The following SCAMP1 variants were observed in gnomAD, a reference collection of about 807,000 sequenced individuals.
SCAMP1 encodes secretory carrier-associated membrane protein 1.
Under a neutral mutation model 41.8 loss-of-function variants are expected in SCAMP1, and 15 were observed. The observed-to-expected ratio is 0.36, with a 90% CI of 0.24 to 0.55. The LOEUF is 0.55. SCAMP1 is among the 20% of genes least tolerant of loss of function. The pLI is 0.86. For synonymous variants in SCAMP1, 135 were observed against 136.8 expected, an observed-to-expected ratio of 0.99 and a Z score of 0.09; for missense variants, 341 against 412.6, an observed-to-expected ratio of 0.83 and a Z score of 1.50.
rs1433598895 is a variant in SCAMP1 at position 78,476,202 on chromosome 5, ATCTTTT to A, written c.*541_*546del. 6 of 152,376 alleles carry A rather than the reference ATCTTTT, an allele frequency of 3.9e-5. No individual in the cohort carries two copies. The highest frequency in any genetic ancestry group is 2.1e-4 in the South Asian group (1 of 4,830). 9.4% of individuals were successfully genotyped at this position (152,376 alleles called of 1,614,324 possible). On this transcript the variant is annotated 3_prime_UTR_variant, in exon 9 of 9. Coordinates refer to ENST00000621999, the MANE Select transcript of SCAMP1 (RefSeq NM_004866.6). Reference sequence around the variant, plus strand: ...TGTAGTAGATAATGTAAAATTTGTCATCTTTTTCTTTTCTTTTTTTTAGAATAGCTG... The same window carrying A: ...TGTAGTAGATAATGTAAAATTTGTCATCTTTTCTTTTTTTTAGAATAGCTG...
intron 1 of SCAMP1, 84 bp from the exon 2 acceptor site, chr5:78,388,753 A>G: frequency 1.4e-6 from 1 of 692,068 alleles, no homozygotes. Flanking sequence ...CCACAAGTAT[A>G]GATAAAGCAA....
chr5:78,378,531 A>G (rs927896891), intron 1 of SCAMP1, among the ~76,000 whole-genome samples: 12 of 152,244 alleles, frequency 7.9e-5, no homozygotes, highest in African/African-American at 2.9e-4. Context: ...TTGAAGATAT[A>G]AACTAATTGT....
intron 8 of SCAMP1, among the ~76,000 whole-genome samples, chr5:78,470,702 A>ATAG (rs1399591765): frequency 6.6e-6 from 1 of 152,106 alleles, no homozygotes; most frequent in Admixed American, 6.6e-5. Flanking sequence ...ATGTAGTCTT[A>ATAG]TAGTAATTCT....
chr5:78,439,108 C>T (rs1209348270), intron 6 of SCAMP1, among the ~76,000 whole-genome samples: 4 of 152,164 alleles, frequency 2.6e-5, no homozygotes, highest in Non-Finnish European at 5.9e-5. Flanking sequence ...CTATGTGTGT[C>T]TCTGCAGGTG....
At chr5:78,436,954 G>A (rs1004867480) in intron 6 of SCAMP1, among the ~76,000 whole-genome samples, 1 of 152,086 alleles carries the variant, frequency 6.6e-6, no homozygotes, top group African/African-American at 2.4e-5. Context: ...CTTGTAAGTT[G>A]GATTCCTAGG....
chr5:78,468,274 G>T lies in SCAMP1; in HGVS notation c.853-7230G>T, dbSNP rs539968376. ...TCTGCATGGAGAAGGGTCTAGTTTA[G>T]TCCTTATCTTTCACAAATAGATTTC... On this transcript the variant is annotated intron_variant, in intron 8 of 8. Coordinates refer to ENST00000621999, the MANE Select transcript of SCAMP1 (RefSeq NM_004866.6). Among the ~76,000 whole-genome samples, 8 of 152,266 alleles carry T rather than the reference G, an allele frequency of 5.3e-5. No individual in the cohort carries two copies. In the South Asian group the frequency reaches 1.7e-3, roughly 32 times the overall value.
At chr5:78,378,355 C>T (rs1348755909) in intron 1 of SCAMP1, among the ~76,000 whole-genome samples, 2 of 152,148 alleles carry the variant, frequency 1.3e-5, no homozygotes, top group East Asian at 3.8e-4. Context: ...TTGATTGAGT[C>T]AATCTCCTTA....
rs1428101951 is a variant in SCAMP1, at chr5:78,441,685, A to G, written c.633-8248A>G. 2.6e-5 allele frequency among the ~76,000 whole-genome samples: 4 copies of G among 152,300 alleles called. No homozygotes were observed. In the South Asian group the frequency reaches 8.3e-4, roughly 32 times the overall value. On this transcript the variant is annotated intron_variant, in intron 6 of 8. Transcript: ENST00000621999. The stretch of plus-strand genomic sequence containing the variant: ...AAACAAAACAAAACAAAAATTAGCC[A>G]GGCATGGTGGCACGTGCCTGTAATG...
At chr5:78,384,722 G>C (rs927674470) in intron 1 of SCAMP1, among the ~76,000 whole-genome samples, 2 of 152,032 alleles carry the variant, frequency 1.3e-5, no homozygotes, top group African/African-American at 4.8e-5. Context: ...GGTAATTCTT[G>C]TTTTTAATTC....
At chr5:78,383,984 T>G (rs1394852370) in intron 1 of SCAMP1, among the ~76,000 whole-genome samples, 1 of 152,178 alleles carries the variant, frequency 6.6e-6, no homozygotes, top group Non-Finnish European at 1.5e-5. Flanking sequence ...GATGGTATTT[T>G]GATGTTAATT....
rs534084426 is a variant in SCAMP1 at position 78,401,576 on chromosome 5, G to A, written c.135+12662G>A. ...GTTGTCACAAATTGCATTTTCCGAG[G>A]CATTGGTCCATTTCTTGTAGGTTAT... On this transcript the variant is annotated intron_variant, in intron 2 of 8. Transcript: ENST00000621999. Among the ~76,000 whole-genome samples the A allele has an allele frequency of 1.4e-3, 206 of 152,136 alleles. 1 individual carries two copies. Among genetic ancestry groups the A allele is most frequent in the African/African-American group, 4.7e-3 (196 of 41,516 alleles).
chr5:78,469,598 T>C (rs2112250275), intron 8 of SCAMP1, among the ~76,000 whole-genome samples: 1 of 152,138 alleles, frequency 6.6e-6, no homozygotes, highest in Admixed American at 6.6e-5. Context: ...CTTAGGCATC[T>C]TCAAATTTGG....
chr5:78,374,889 A>C (rs2112056644), intron 1 of SCAMP1, among the ~76,000 whole-genome samples: 1 of 152,220 alleles, frequency 6.6e-6, no homozygotes, highest in East Asian at 1.9e-4. Flanking sequence ...ATTCCTAGTG[A>C]TTATTAAGCA....
At chr5:78,408,220 C>G (rs940822222) in intron 2 of SCAMP1, among the ~76,000 whole-genome samples, 2 of 152,110 alleles carry the variant, frequency 1.3e-5, no homozygotes, top group African/African-American at 4.8e-5. Flanking sequence ...AGCAAAGGCA[C>G]GTGTTACCTG....
chr5:78,371,949 T>C (rs146843604), intron 1 of SCAMP1, among the ~76,000 whole-genome samples: 1 of 152,220 alleles, frequency 6.6e-6, no homozygotes, highest in Non-Finnish European at 1.5e-5. Context: ...GTGATAGTTA[T>C]ACATTGATAA....
intron 6 of SCAMP1, among the ~76,000 whole-genome samples, chr5:78,440,472 T>G (rs56135037): frequency 0.31 from 47,272 of 152,078 alleles, 7,942 homozygotes; most frequent in East Asian, 0.54. Context: ...TTGCTGGAGG[T>G]CCACTCCAGA....
chr5:78,383,712 T>C (rs181393764), intron 1 of SCAMP1, among the ~76,000 whole-genome samples: 3 of 152,332 alleles, frequency 2.0e-5, no homozygotes, highest in African/African-American at 7.2e-5. Context: ...ATTATGTTTT[T>C]GTTTGCATTA....
chr5:78,454,692 C>A (rs961850745), intron 7 of SCAMP1, among the ~76,000 whole-genome samples: 1 of 152,104 alleles, frequency 6.6e-6, no homozygotes, highest in Non-Finnish European at 1.5e-5. Flanking sequence ...ATGATGCTGG[C>A]CTCATAAAAT....
At chr5:78,438,138 A>G (rs1248800857) in intron 6 of SCAMP1, among the ~76,000 whole-genome samples, 3 of 151,938 alleles carry the variant, frequency 2.0e-5, no homozygotes, top group Admixed American at 1.3e-4. Context: ...CAGTCTGTCA[A>G]TTTTGTAGAT....
Sources: allele counts gnomAD v4.1 joint callset (sites outside exome capture counted in the v4.1 genomes callset), GRCh38; gene constraint gnomAD v4.1.1; transcripts MANE v1.5; gene names NCBI Gene and HGNC (gene_info 2026-07-23, HGNC 2026-07-21).